Variants in NEGR1 observed in about 807,000 individuals in gnomAD.
NEGR1 encodes neuronal growth regulator 1, also known as IgLON family member 4.
Under a neutral mutation model 40.9 loss-of-function variants are expected in NEGR1, and 10 were observed. The ratio of observed to expected loss-of-function variants is 0.24; its 90% CI spans 0.15 to 0.42. The LOEUF (loss-of-function observed/expected upper bound fraction) is 0.42. Ranked by LOEUF, NEGR1 falls within the 10% of genes least tolerant of loss-of-function variation. NEGR1 has a pLI of 1.00. For missense variants in NEGR1, 352 were observed against 438.9 expected, an observed-to-expected ratio of 0.80 and a Z score of 1.77; for synonymous variants, 185 against 166.8, an observed-to-expected ratio of 1.11 and a Z score of -0.84.
intron 1 of NEGR1, among the ~76,000 whole-genome samples, chr1:72,053,301 A>G (rs994921606): frequency 3.3e-5 from 5 of 151,152 alleles, no homozygotes; most frequent in African/African-American, 1.2e-4. Flanking sequence ...GTAAAAGAAA[A>G]CTGGTAACTG....
At chr1:71,473,665 A>T (rs2101360293) in intron 6 of NEGR1, among the ~76,000 whole-genome samples, 1 of 152,206 alleles carries the variant, frequency 6.6e-6, no homozygotes, top group East Asian at 1.9e-4. Context: ...TATTTGTTGT[A>T]ACTAGATTTC....
intron 1 of NEGR1, among the ~76,000 whole-genome samples, chr1:72,258,933 T>C (rs956956357): frequency 5.9e-5 from 9 of 152,142 alleles, no homozygotes; most frequent in African/African-American, 1.9e-4. Context: ...ATTCTCCACA[T>C]ACCTTCATTA....
intron 1 of NEGR1, among the ~76,000 whole-genome samples, chr1:71,985,547 C>T (rs1646387374): frequency 6.6e-6 from 1 of 152,014 alleles, no homozygotes; most frequent in South Asian, 2.1e-4. Flanking sequence ...CTGGGGTCTA[C>T]ATAATTGTAT....
intron 2 of NEGR1, among the ~76,000 whole-genome samples, chr1:71,901,438 T>G (rs1661140007): frequency 6.6e-6 from 1 of 152,154 alleles, no homozygotes; most frequent in Non-Finnish European, 1.5e-5. Context: ...TTTTGTATAT[T>G]GCTGAATCTC....
intron 1 of NEGR1, among the ~76,000 whole-genome samples, chr1:72,151,680 A>G (rs1651130184): frequency 6.6e-6 from 1 of 151,890 alleles, no homozygotes; most frequent in Admixed American, 6.6e-5. Flanking sequence ...AAAGACAAAC[A>G]AAATTGCCAT....
intron 4 of NEGR1, among the ~76,000 whole-genome samples, chr1:71,650,825 T>C (rs186143688): frequency 4.7e-4 from 72 of 152,316 alleles, no homozygotes; most frequent in East Asian, 4.6e-3. Flanking sequence ...ATGGAGATCT[T>C]ATTTTGCTTT....
chr1:71,615,697 TA>T (rs1369609047), intron 4 of NEGR1, among the ~76,000 whole-genome samples: 2 of 152,168 alleles, frequency 1.3e-5, no homozygotes. Flanking sequence ...TAGCCCATGG[TA>T]AAAGCTTTGA....
chr1:72,079,217 C>T (rs1371274486), intron 1 of NEGR1, among the ~76,000 whole-genome samples: 5 of 151,326 alleles, frequency 3.3e-5, no homozygotes, highest in African/African-American at 9.7e-5. Context: ...ATTCTTAATA[C>T]TCATTAGTTT....
At chr1:71,789,314 C>A (rs983321306) in intron 2 of NEGR1, among the ~76,000 whole-genome samples, 5 of 152,064 alleles carry the variant, frequency 3.3e-5, no homozygotes, top group African/African-American at 1.2e-4. Flanking sequence ...TTATATTGAT[C>A]CCTGAGTAAT....
chr1:71,706,327 T>G (rs924723181), intron 3 of NEGR1, among the ~76,000 whole-genome samples: 3 of 152,134 alleles, frequency 2.0e-5, no homozygotes, highest in African/African-American at 7.2e-5. Flanking sequence ...CCAAGTGGTT[T>G]GAATTTGAGT....
intron 1 of NEGR1, among the ~76,000 whole-genome samples, chr1:72,218,032 CTT>C (rs1436817860): frequency 2.0e-5 from 3 of 151,614 alleles, no homozygotes; most frequent in Non-Finnish European, 4.4e-5. Context: ...TACAGTAAAA[CTT>C]TGGATTTTTC....
chr1:71,927,567 G>C (rs1043750591), intron 2 of NEGR1, among the ~76,000 whole-genome samples: 2 of 151,894 alleles, frequency 1.3e-5, no homozygotes, highest in African/African-American at 4.8e-5. Context: ...CCCAAATTAG[G>C]CATAACTATT....
At chr1:71,551,399 A>G (rs1218836684) in intron 6 of NEGR1, among the ~76,000 whole-genome samples, 1 of 151,648 alleles carries the variant, frequency 6.6e-6, no homozygotes, top group Non-Finnish European at 1.5e-5. Context: ...ATACATGTAC[A>G]TATACACACA....
At chr1:72,065,691 T>C (rs952450428) in intron 1 of NEGR1, among the ~76,000 whole-genome samples, 1 of 152,080 alleles carries the variant, frequency 6.6e-6, no homozygotes, top group Non-Finnish European at 1.5e-5. Context: ...AAAAGTTAAA[T>C]TGAAGGTTGG....
chr1:71,635,623 C>T (rs1463469598), intron 4 of NEGR1, among the ~76,000 whole-genome samples: 1 of 152,052 alleles, frequency 6.6e-6, no homozygotes, highest in Non-Finnish European at 1.5e-5. Flanking sequence ...TCATGCCAGT[C>T]CACACTGTAA....
intron 1 of NEGR1, among the ~76,000 whole-genome samples, chr1:71,973,391 T>A (rs1483066524): frequency 6.6e-6 from 1 of 151,802 alleles, no homozygotes; most frequent in Non-Finnish European, 1.5e-5. Flanking sequence ...GGCAGCACCT[T>A]GATTTTGGAC....
chr1:72,009,146 T>C (rs1646635107), intron 1 of NEGR1, among the ~76,000 whole-genome samples: 1 of 152,066 alleles, frequency 6.6e-6, no homozygotes, highest in East Asian at 1.9e-4. Flanking sequence ...AATATATTTG[T>C]CAAAATATTT....
intron 1 of NEGR1, chr1:72,100,686 C>T (rs1018249617): frequency 4.6e-5 from 7 of 152,164 alleles, no homozygotes; most frequent in African/African-American, 1.7e-4. Flanking sequence ...GGAACCTCGT[C>T]TTCTGAGGGC....
At chr1:71,794,073 ATT>A (rs542857408) in intron 2 of NEGR1, among the ~76,000 whole-genome samples, 160 of 152,280 alleles carry the variant, frequency 1.1e-3, no homozygotes, top group Middle Eastern at 6.8e-3. Context: ...AAGGATAAGT[ATT>A]CAAAGCAAAG....
Sources: gnomAD v4.1 joint callset for allele counts (sites outside exome capture counted in the v4.1 genomes callset) on GRCh38, gnomAD v4.1.1 for gene constraint, MANE v1.5 for transcripts, NCBI Gene and HGNC (gene_info 2026-07-23, HGNC 2026-07-21) for gene names.